The following MGAT4A variants were observed in gnomAD, a reference collection of about 807,000 sequenced individuals.
MGAT4A encodes the protein alpha-1,3-mannosyl-glycoprotein 4-beta-N-acetylglucosaminyltransferase A, also known as N-acetylglucosaminyltransferase IVa.
A neutral mutation model predicts 74.1 loss-of-function variants in MGAT4A; 33 were observed. That is an observed-to-expected ratio of 0.45 (90% CI 0.34 to 0.60). The LOEUF (loss-of-function observed/expected upper bound fraction) is 0.60. MGAT4A is among the 20% of genes least tolerant of loss of function. MGAT4A has a pLI of 0.02. For missense variants in MGAT4A, 479 were observed against 628.3 expected (o/e 0.76, Z 2.54); for synonymous variants, 198 against 210.4 (o/e 0.94, Z 0.51).
chr2:98,640,286 C>T, intron 10 of MGAT4A, 58 bp from the exon 11 acceptor site: 2 of 1,389,464 alleles, frequency 1.4e-6, no homozygotes, highest in Non-Finnish European at 2.0e-6. Flanking sequence ...CTTGCCCTCA[C>T]CTGGAAAATG....
At chr2:98,652,291 G>T (rs1701590337) in intron 8 of MGAT4A, among the ~76,000 whole-genome samples, 1 of 150,978 alleles carries the variant, frequency 6.6e-6, no homozygotes, top group Admixed American at 6.6e-5. Flanking sequence ...CATTCTCCAA[G>T]ACAGACCACA....
intron 14 of MGAT4A, among the ~76,000 whole-genome samples, chr2:98,626,922 G>A (rs1170560741): frequency 1.3e-5 from 2 of 152,156 alleles, no homozygotes; most frequent in Non-Finnish European, 2.9e-5. Flanking sequence ...ACAAACACAC[G>A]ATTTTAATGG....
At chr2:98,634,613 A>T (rs896580931) in intron 14 of MGAT4A, among the ~76,000 whole-genome samples, 6 of 151,704 alleles carry the variant, frequency 4.0e-5, no homozygotes, top group Non-Finnish European at 7.4e-5. Flanking sequence ...TTGGAGGCAC[A>T]GAGCAGCCTG....
chr2:98,675,798 C>T (rs1213019084), intron 3 of MGAT4A, among the ~76,000 whole-genome samples: 1 of 152,198 alleles, frequency 6.6e-6, no homozygotes, highest in Non-Finnish European at 1.5e-5. Context: ...AAGCAATCCT[C>T]CTGTCTTGGC....
intron 2 of MGAT4A, among the ~76,000 whole-genome samples, chr2:98,680,942 C>T (rs1702050535): frequency 6.6e-6 from 1 of 152,138 alleles, no homozygotes; most frequent in Admixed American, 6.6e-5. Flanking sequence ...TTAATTCTAC[C>T]CTAAGCAAAA....
Position 98,625,225 on chromosome 2 carries a change from C to T in MGAT4A, c.*341G>A. On this transcript the variant is annotated 3_prime_UTR_variant, in exon 16 of 16. Transcript: ENST00000393487. ...AAAATAAGTGAACCTCAAAAGTACC[C>T]CCTTCATAAAATGTATGTAACATTA... The T allele has an allele frequency of 1.1e-6, 1 of 891,844 alleles. No individual in the cohort carries two copies. The highest frequency in any genetic ancestry group is 1.4e-6 in the Non-Finnish European group (1 of 740,460). 55.2% of individuals were successfully genotyped at this position (891,844 alleles called of 1,614,324 possible).
chr2:98,646,303 G>A (rs1361756645), intron 8 of MGAT4A, among the ~76,000 whole-genome samples: 1 of 152,012 alleles, frequency 6.6e-6, no homozygotes, highest in African/African-American at 2.4e-5. Flanking sequence ...CGCCCAGATT[G>A]TGCTTCTATA....
chr2:98,697,234 ACT>A (rs1702288163), intron 2 of MGAT4A, among the ~76,000 whole-genome samples: 1 of 152,218 alleles, frequency 6.6e-6, no homozygotes, highest in Non-Finnish European at 1.5e-5. Context: ...AAAGCAAACT[ACT>A]CAAACACCCA....
At chr2:98,695,983 A>G (rs536552130) in intron 2 of MGAT4A, among the ~76,000 whole-genome samples, 21 of 150,302 alleles carry the variant, frequency 1.4e-4, no homozygotes, top group Non-Finnish European at 2.8e-4. Flanking sequence ...GGCTCAAGAG[A>G]TTCTCCTCCC....
chr2:98,714,538 C>T (rs554412583), intron 2 of MGAT4A, among the ~76,000 whole-genome samples: 57 of 152,262 alleles, frequency 3.7e-4, no homozygotes, highest in Admixed American at 2.3e-3. Flanking sequence ...ATGCTATGCA[C>T]GCACACATGT....
chr2:98,723,863 T>A (rs1362551910), intron 2 of MGAT4A, among the ~76,000 whole-genome samples: 1 of 152,210 alleles, frequency 6.6e-6, no homozygotes, highest in Non-Finnish European at 1.5e-5. Context: ...CATAAGCTCT[T>A]GAATGAGGCT....
At chr2:98,692,122 T>G (rs2104303566) in intron 2 of MGAT4A, among the ~76,000 whole-genome samples, 1 of 152,214 alleles carries the variant, frequency 6.6e-6, no homozygotes, top group Non-Finnish European at 1.5e-5. Context: ...TGAGACAGGG[T>G]CTCGTTTTGT....
rs1041310633 is a variant in MGAT4A, at chr2:98,623,226, GAAC to G, written c.*2337_*2339del. ...TTGGGAACAAGAATGAGTTTCTTGGGAACAACAGGTGGACCAATGCTGGGAGGG... is the reference window on the plus strand; with the variant it reads ...TTGGGAACAAGAATGAGTTTCTTGGGAACAGGTGGACCAATGCTGGGAGGG... On this transcript the variant is annotated 3_prime_UTR_variant, in exon 16 of 16. Coordinates refer to ENST00000393487, the MANE Select transcript of MGAT4A (RefSeq NM_012214.3). 59 of 985,272 alleles carry G rather than the reference GAAC, an allele frequency of 6.0e-5. No homozygotes were observed. The African/African-American group carries it at 1.0e-3, about 17-fold the overall frequency. 61.0% of individuals were successfully genotyped at this position (985,272 alleles called of 1,614,324 possible).
At chr2:98,663,243 ATTTCAAAAGTATTATACCC>A in intron 4 of MGAT4A, 64 bp from the exon 5 acceptor site, 1 of 1,524,362 alleles carries the variant, frequency 6.6e-7, no homozygotes, top group Non-Finnish European at 8.9e-7. Context: ...AAACACTTCT[ATTTCAAAAGTATTATACCC>A]TCTCAAATTG....
chr2:98,623,866 G>A lies in MGAT4A; in HGVS notation c.*1700C>T. ...TCCTCCAGGCTAGAGGCAGCCAGCT[G>A]GAACCTTGCCCCAGCGCTAGGCCCC... On this transcript the variant is annotated 3_prime_UTR_variant, in exon 16 of 16. Coordinates refer to ENST00000393487, the MANE Select transcript of MGAT4A (RefSeq NM_012214.3). 1.0e-6 allele frequency: 1 copy of A among 985,452 alleles called. No individual in the cohort carries two copies. The highest frequency in any genetic ancestry group is 1.2e-6 in the Non-Finnish European group (1 of 829,982). The allele number at this position is 985,452 out of a possible 1,614,324, so 61.0% of individuals were successfully genotyped here. A position where few individuals can be genotyped will look rare whatever the true frequency, so the allele number is the denominator to read the frequency against.
chr2:98,671,917 G>A (rs1197247388), intron 4 of MGAT4A, among the ~76,000 whole-genome samples: 1 of 118,460 alleles, frequency 8.4e-6, no homozygotes, highest in African/African-American at 3.4e-5. Context: ...GATGAAGGAA[G>A]AGGCCACAAA....
At chr2:98,659,017 A>G (rs1328724928) in intron 5 of MGAT4A, among the ~76,000 whole-genome samples, 3 of 152,174 alleles carry the variant, frequency 2.0e-5, no homozygotes, top group Non-Finnish European at 4.4e-5. Context: ...CATGGCAGGC[A>G]TGTTTTAAAC....
intron 2 of MGAT4A, among the ~76,000 whole-genome samples, chr2:98,704,022 A>G (rs932536451): frequency 1.3e-5 from 2 of 152,164 alleles, no homozygotes; most frequent in Admixed American, 1.3e-4. Context: ...TAGTTGCTCA[A>G]CTACGACTGT....
At chr2:98,649,319 C>T (rs1403433128) in intron 8 of MGAT4A, among the ~76,000 whole-genome samples, 1 of 152,102 alleles carries the variant, frequency 6.6e-6, no homozygotes, top group South Asian at 2.1e-4. Flanking sequence ...GAAACCCAGA[C>T]ACACAAGACA....
Sources: gnomAD v4.1 joint callset for allele counts (sites outside exome capture counted in the v4.1 genomes callset) on GRCh38, gnomAD v4.1.1 for gene constraint, MANE v1.5 for transcripts, NCBI Gene and HGNC (gene_info 2026-07-23, HGNC 2026-07-21) for gene names.